SORCS2: variants seen among roughly 807,000 people sequenced by gnomAD.
The protein encoded by SORCS2 is VPS10 domain-containing receptor SorCS2.
Under a neutral mutation model 141.6 loss-of-function variants are expected in SORCS2, and 100 were observed. That is an observed-to-expected ratio of 0.71 (90% CI 0.60 to 0.83). The LOEUF (loss-of-function observed/expected upper bound fraction) is 0.83, where lower values mean the gene tolerates loss of function less well. SORCS2 is among the 40% of genes least tolerant of loss of function. The probability of loss-of-function intolerance (pLI) is 0.00; values close to 1 mark genes in which losing one functional copy is unlikely to be tolerated. For synonymous variants in SORCS2, 789 were observed against 676.9 expected (o/e 1.17, Z -2.57); for missense variants, 1,646 against 1,560.2 (o/e 1.05, Z -0.93).
At chr4:7,659,131 A>G (rs1251541385) in intron 5 of SORCS2, among the ~76,000 whole-genome samples, 1 of 152,170 alleles carries the variant, frequency 6.6e-6, no homozygotes, top group Non-Finnish European at 1.5e-5. Flanking sequence ...GCAGAAGGCT[A>G]AAGCAGGTGG....
At chr4:7,434,935 C>T (rs1727193648) in intron 2 of SORCS2, 1 of 1,467,160 alleles carries the variant, frequency 6.8e-7, no homozygotes, top group Admixed American at 2.6e-5. Flanking sequence ...TGCTATAAAC[C>T]TGGCTCTCCT....
chr4:7,605,113 G>T (rs1248884019), intron 3 of SORCS2, among the ~76,000 whole-genome samples: 1 of 152,196 alleles, frequency 6.6e-6, no homozygotes, highest in Non-Finnish European at 1.5e-5. Flanking sequence ...TCGTGTGAGG[G>T]ATCCATGTTT....
At chr4:7,734,452 G>A (rs374689635) in intron 25 of SORCS2, 78 bp downstream of exon 25, 3 of 1,018,498 alleles carry the variant, frequency 2.9e-6, no homozygotes, top group South Asian at 1.7e-5. Context: ...CACTCAGGCA[G>A]ATCTAGAAAG....
intron 11 of SORCS2, among the ~76,000 whole-genome samples, chr4:7,694,042 G>A (rs557311473): frequency 5.3e-5 from 8 of 152,362 alleles, no homozygotes; most frequent in South Asian, 2.1e-4. Context: ...TCCCTGTCTC[G>A]GGAGCCATTG....
chr4:7,248,934 G>T (rs1713305352), intron 1 of SORCS2, among the ~76,000 whole-genome samples: 1 of 152,162 alleles, frequency 6.6e-6, no homozygotes, highest in Admixed American at 6.5e-5. Context: ...CATTGGATTA[G>T]GCCAGCAGGG....
chr4:7,656,672 C>A (rs1721799108), intron 5 of SORCS2, among the ~76,000 whole-genome samples: 1 of 152,236 alleles, frequency 6.6e-6, no homozygotes, highest in Non-Finnish European at 1.5e-5. Context: ...CCGGGTGTTC[C>A]TGCATCTGCC....
intron 1 of SORCS2, among the ~76,000 whole-genome samples, chr4:7,209,604 A>G (rs546387314): frequency 2.0e-5 from 3 of 151,414 alleles, no homozygotes; most frequent in African/African-American, 7.3e-5. Flanking sequence ...TCTCGACTGC[A>G]TGTTTGGAGC....
At chr4:7,262,335 TATCCATCC>T (rs111342775) in intron 1 of SORCS2, among the ~76,000 whole-genome samples, 5 of 144,890 alleles carry the variant, frequency 3.5e-5, no homozygotes, top group African/African-American at 1.0e-4. Context: ...TCCATCCATC[TATCCATCC>T]ATCCATCCAT....
chr4:7,455,557 G>T lies in SORCS2; in HGVS notation c.548+59202G>T, dbSNP rs1318728213. On this transcript the variant is annotated intron_variant, in intron 2 of 26. Coordinates refer to ENST00000507866, the MANE Select transcript of SORCS2 (RefSeq NM_020777.3). ...GTGTCATGCGCCACGTTAGGGTCAG[G>T]CACTGTGTTGGGGTCAGGAGCTGTG... 2.8e-5 allele frequency among the ~76,000 whole-genome samples: 4 copies of T among 143,464 alleles called. No individual in the cohort carries two copies. In the South Asian group the frequency reaches 9.6e-4, roughly 34 times the overall value. 94.1% of individuals were successfully genotyped at this position (143,464 alleles called of 152,430 possible). A position where few individuals can be genotyped will look rare whatever the true frequency, so the allele number is the denominator to read the frequency against.
chr4:7,438,817 C>CCACCTACCTAGT (rs1257379723), intron 2 of SORCS2, among the ~76,000 whole-genome samples: 12 of 152,154 alleles, frequency 7.9e-5, no homozygotes, highest in Non-Finnish European at 1.5e-4. Flanking sequence ...TCTCACCTGT[C>CCACCTACCTAGT]CACCTACCTA....
At chr4:7,256,448 C>T (rs549568207) in intron 1 of SORCS2, among the ~76,000 whole-genome samples, 3 of 152,296 alleles carry the variant, frequency 2.0e-5, no homozygotes, top group South Asian at 2.1e-4. Context: ...AGACTTGGCT[C>T]CTCAGATGGC....
At chr4:7,317,377 G>T (rs1477556074) in intron 1 of SORCS2, among the ~76,000 whole-genome samples, 1 of 152,228 alleles carries the variant, frequency 6.6e-6, no homozygotes, top group Non-Finnish European at 1.5e-5. Context: ...GGGTACCTCT[G>T]CGTCAACGGA....
At chr4:7,252,426 A>G (rs941504098) in intron 1 of SORCS2, among the ~76,000 whole-genome samples, 2 of 152,248 alleles carry the variant, frequency 1.3e-5, no homozygotes, top group Non-Finnish European at 2.9e-5. Flanking sequence ...GGGGCTGGCC[A>G]GGAGGGTGGT....
chr4:7,580,158 A>T lies in SORCS2; in HGVS notation c.648+48529A>T, dbSNP rs895708346. On this transcript the variant is annotated intron_variant, in intron 3 of 26. Transcript: ENST00000507866. Reference sequence around the variant, plus strand: ...AACTTGTCATTTTCTACACAAATAGATAATGCAATACTTTTATTAACTGAT... The same window carrying T: ...AACTTGTCATTTTCTACACAAATAGTTAATGCAATACTTTTATTAACTGAT... 3.3e-5 allele frequency among the ~76,000 whole-genome samples: 5 copies of T among 152,260 alleles called. No individual in the cohort carries two copies. The East Asian group carries it at 9.6e-4, about 29-fold the overall frequency.
rs1239342303 is a variant in SORCS2, at chr4:7,663,326, G to A, written c.953-1027G>A. Among the ~76,000 whole-genome samples the A allele has an allele frequency of 6.6e-6, 1 of 152,080 alleles. No homozygotes were observed. The highest frequency in any genetic ancestry group is 1.5e-5 in the Non-Finnish European group (1 of 67,976). On this transcript the variant is annotated intron_variant, in intron 6 of 26. Coordinates refer to ENST00000507866, the MANE Select transcript of SORCS2 (RefSeq NM_020777.3). The surrounding 1 kb of genome is among the most constrained non-coding windows in gnomAD (Gnocchi z 4.8). ...ACTGAGTGAATGAATGAGTGAGTGA[G>A]TGATTGAGTGAGTGAGTGAGTGAGT...
At chr4:7,215,812 T>C (rs542522477) in intron 1 of SORCS2, among the ~76,000 whole-genome samples, 2 of 152,268 alleles carry the variant, frequency 1.3e-5, no homozygotes, top group African/African-American at 4.8e-5. Context: ...ACTAATCTGA[T>C]GGGGACGTGG....
chr4:7,387,502 A>C (rs796369649), intron 1 of SORCS2, among the ~76,000 whole-genome samples: 257 of 54,276 alleles, frequency 4.7e-3, no homozygotes, highest in African/African-American at 0.026. Context: ...CATGCACACA[A>C]ATACAGGTAC....
chr4:7,353,424 A>G (rs1369805833), intron 1 of SORCS2, among the ~76,000 whole-genome samples: 1 of 152,214 alleles, frequency 6.6e-6, no homozygotes, highest in Non-Finnish European at 1.5e-5. Context: ...ACAGGCACCC[A>G]GAGGTGGGAG....
chr4:7,529,508 C>T (rs999618734), intron 2 of SORCS2, among the ~76,000 whole-genome samples: 1 of 152,170 alleles, frequency 6.6e-6, no homozygotes, highest in African/African-American at 2.4e-5. Flanking sequence ...TCCTCTGGCC[C>T]AGGGCGGGGA....
Sources: gnomAD v4.1 joint callset for allele counts (sites outside exome capture counted in the v4.1 genomes callset) on GRCh38, gnomAD v4.1.1 for gene constraint, Gnocchi (gnomAD v3.1) non-coding constraint, MANE v1.5 for transcripts, NCBI Gene and HGNC (gene_info 2026-07-23, HGNC 2026-07-21) for gene names.